GPR132: variants seen among roughly 807,000 people sequenced by gnomAD.
GPR132 encodes G protein-coupled receptor 132, also known as probable G protein-coupled receptor 132.
Under a neutral mutation model 1.9 loss-of-function variants are expected in GPR132, and 4 were observed. The observed-to-expected ratio is 2.13, with a 90% CI of 1.05 to 4.87. The LOEUF is 4.87. Ranked by LOEUF, GPR132 falls within the 30% of genes most tolerant of loss-of-function variation. The probability of loss-of-function intolerance (pLI) is 0.01; values close to 1 mark genes in which losing one functional copy is unlikely to be tolerated. For synonymous variants in GPR132, 233 were observed against 234.2 expected, an observed-to-expected ratio of 0.99 and a Z score of 0.05; for missense variants, 404 against 512.5, an observed-to-expected ratio of 0.79 and a Z score of 2.04.
In GPR132 at chr14:105,060,223, G is replaced by A. The variant is rs556194927; in HGVS notation, c.-860-2943C>T. Among the ~76,000 whole-genome samples the A allele has an allele frequency of 3.9e-5, 6 of 152,326 alleles. No individual in the cohort carries two copies. In the East Asian group the frequency reaches 7.7e-4, roughly 20 times the overall value. Reference sequence around the variant, plus strand: ...TGTGGCCCTGTCGTCTGGCTGCTGCGCCCAGCTCCAAGGCCCAGCAAGAGA... The same window carrying A: ...TGTGGCCCTGTCGTCTGGCTGCTGCACCCAGCTCCAAGGCCCAGCAAGAGA... On this transcript the variant is annotated intron_variant, in intron 1 of 3. Coordinates refer to ENST00000329797, the MANE Select transcript of GPR132 (RefSeq NM_013345.4). This position sits in a 1 kb window ranked among gnomAD's most constrained non-coding sequence, Gnocchi z 6.3.
intron 3 of GPR132, among the ~76,000 whole-genome samples, chr14:105,053,221 C>T (rs1233800652): frequency 7.3e-6 from 1 of 137,456 alleles, no homozygotes; most frequent in Non-Finnish European, 1.5e-5. Context: ...AGTGCAGTGG[C>T]ACGATCTCAG....
Position 105,050,045 on chromosome 14 carries a change from C to G in GPR132, c.*949G>C, listed in dbSNP as rs1305119364. 1 of 152,384 alleles carries G rather than the reference C, an allele frequency of 6.6e-6. No individual in the cohort carries two copies. The highest frequency in any genetic ancestry group is 2.1e-4 in the South Asian group (1 of 4,828). 9.4% of individuals were successfully genotyped at this position (152,384 alleles called of 1,614,324 possible). A position where few individuals can be genotyped will look rare whatever the true frequency, so the allele number is the denominator to read the frequency against. On this transcript the variant is annotated 3_prime_UTR_variant, in exon 4 of 4. Coordinates refer to ENST00000329797, the MANE Select transcript of GPR132 (RefSeq NM_013345.4). This position sits in a 1 kb window ranked among gnomAD's most constrained non-coding sequence, Gnocchi z 4.0. Reference sequence around the variant, plus strand: ...GATGGTGACCCAGTGAGGTAGGTGTCATTGGCCCCATTTTACAGATAGGGA... The same window carrying G: ...GATGGTGACCCAGTGAGGTAGGTGTGATTGGCCCCATTTTACAGATAGGGA...
Position 105,064,823 on chromosome 14 carries a change from G to T in GPR132, c.-861+556C>A, listed in dbSNP as rs1428205588. On this transcript the variant is annotated intron_variant, in intron 1 of 3. Transcript: ENST00000329797. Reference sequence around the variant, plus strand: ...CCCCCCGCCCCGCTGTGCCTGGTGCGCCGAACGCCACTCCAAAGGCCGGTG... The same window carrying T: ...CCCCCCGCCCCGCTGTGCCTGGTGCTCCGAACGCCACTCCAAAGGCCGGTG... 3.9e-5 allele frequency among the ~76,000 whole-genome samples: 6 copies of T among 152,214 alleles called. No individual in the cohort carries two copies. The East Asian group carries it at 1.2e-3, about 29-fold the overall frequency.
rs1214315234 is a variant in GPR132, at chr14:105,060,385, C to T, written c.-860-3105G>A. Among the ~76,000 whole-genome samples, 1 of 152,208 alleles carries T rather than the reference C, an allele frequency of 6.6e-6. No individual in the cohort carries two copies. The highest frequency in any genetic ancestry group is 6.5e-5 in the Admixed American group (1 of 15,290). On this transcript the variant is annotated intron_variant, in intron 1 of 3. Coordinates refer to ENST00000329797, the MANE Select transcript of GPR132 (RefSeq NM_013345.4). The surrounding 1 kb of genome is among the most constrained non-coding windows in gnomAD (Gnocchi z 6.3). ...GTGGGCTGGGGGCATGTCAGAGCCACCTGAGACCAGTCCTGTTCCTTCTGA... is the reference window on the plus strand; with the variant it reads ...GTGGGCTGGGGGCATGTCAGAGCCATCTGAGACCAGTCCTGTTCCTTCTGA...
Position 105,051,615 on chromosome 14 carries a change from G to A in GPR132, c.522C>T (p.His174=), listed in dbSNP as rs762822410. ...TGTCTTCCGTCTGGAACACCGGGTAGTGAACGATCCCGACGAGGATGAAGA... is the reference window on the plus strand; with the variant it reads ...TGTCTTCCGTCTGGAACACCGGGTAATGAACGATCCCGACGAGGATGAAGA... ...ACIFILVGIV[H]YPVFQTEDKE... Residue 174 remains histidine (H), a synonymous_variant, in exon 4 of 4, where the codon CAC becomes CAT. Coordinates refer to ENST00000329797, the MANE Select transcript of GPR132 (RefSeq NM_013345.4). The surrounding 1 kb of genome is among the most constrained non-coding windows in gnomAD (Gnocchi z 8.0). 1 of 1,614,034 alleles carries A rather than the reference G, an allele frequency of 6.2e-7. No individual in the cohort carries two copies. The highest frequency in any genetic ancestry group is 8.5e-7 in the Non-Finnish European group (1 of 1,180,042).
intron 3 of GPR132, chr14:105,053,994 C>T (rs1886718236): frequency 7.9e-7 from 1 of 1,265,584 alleles, no homozygotes; most frequent in Non-Finnish European, 1.0e-6. Flanking sequence ...TGCTAGAGGT[C>T]ACGCAGGGTG....
intron 3 of GPR132, chr14:105,054,152 C>G: frequency 1.6e-6 from 2 of 1,281,448 alleles, no homozygotes; most frequent in Non-Finnish European, 2.0e-6. Context: ...CGCAGACAGA[C>G]CTGGCCTCAG....
chr14:105,054,696 G>T (rs1002680728), intron 3 of GPR132, among the ~76,000 whole-genome samples: 1 of 150,574 alleles, frequency 6.6e-6, no homozygotes, highest in Non-Finnish European at 1.5e-5. Context: ...CTCCCAAAGT[G>T]CTGGGATTAC....
Position 105,056,144 on chromosome 14 carries a change from G to T in GPR132, c.-724C>A, listed in dbSNP as rs1188755524. 7 of 985,932 alleles carry T rather than the reference G, an allele frequency of 7.1e-6. No homozygotes were observed. Among genetic ancestry groups the T allele is most frequent in the African/African-American group, 3.5e-5 (2 of 57,230 alleles). 61.1% of individuals were successfully genotyped at this position (985,932 alleles called of 1,614,324 possible). ...TGCTGGGTTTCTCCGGGTGAGTGTCGTGTCCCTTGCTCACCTTCCTCCCTG... is the reference window on the plus strand; with the variant it reads ...TGCTGGGTTTCTCCGGGTGAGTGTCTTGTCCCTTGCTCACCTTCCTCCCTG... On this transcript the variant is annotated 5_prime_UTR_variant, in exon 3 of 4. Coordinates refer to ENST00000329797, the MANE Select transcript of GPR132 (RefSeq NM_013345.4). This position sits in a 1 kb window ranked among gnomAD's most constrained non-coding sequence, Gnocchi z 6.0.
intron 1 of GPR132, among the ~76,000 whole-genome samples, chr14:105,064,739 A>T (rs1215044640): frequency 1.3e-5 from 2 of 152,188 alleles, no homozygotes; most frequent in East Asian, 3.8e-4. Flanking sequence ...TTCAGTGGTC[A>T]GTCCCAGTCC....
chr14:105,052,695 A>G (rs111283102), intron 3 of GPR132, among the ~76,000 whole-genome samples: 3 of 150,702 alleles, frequency 2.0e-5, no homozygotes, highest in Non-Finnish European at 3.0e-5. Flanking sequence ...GGTGGCTCAC[A>G]CCTGTAATCC....
rs1272462724 is a variant in GPR132, at chr14:105,050,198, C to G, written c.*796G>C. ...AGCAGGCCAACTGCTGCACTCCCCC[C>G]TCAGTAAGGGGCTAGGGGTGGGGAC... is the stretch of plus-strand genomic sequence containing the variant. On this transcript the variant is annotated 3_prime_UTR_variant, in exon 4 of 4. Transcript: ENST00000329797. The surrounding 1 kb of genome is among the most constrained non-coding windows in gnomAD (Gnocchi z 4.0). 2 of 152,410 alleles carry G rather than the reference C, an allele frequency of 1.3e-5. No homozygotes were observed. The highest frequency in any genetic ancestry group is 6.5e-5 in the Admixed American group (1 of 15,290). 9.4% of individuals were successfully genotyped at this position (152,410 alleles called of 1,614,324 possible).
intron 1 of GPR132, among the ~76,000 whole-genome samples, chr14:105,064,360 A>G (rs1024345715): frequency 1.3e-5 from 2 of 149,094 alleles, no homozygotes; most frequent in Non-Finnish European, 3.0e-5. Flanking sequence ...ATTTTTCCCA[A>G]TTTGATAGTG....
In GPR132 at chr14:105,059,766, G is replaced by A. The variant is rs1367853302; in HGVS notation, c.-860-2486C>T. On this transcript the variant is annotated intron_variant, in intron 1 of 3. Coordinates refer to ENST00000329797, the MANE Select transcript of GPR132 (RefSeq NM_013345.4). This position sits in a 1 kb window ranked among gnomAD's most constrained non-coding sequence, Gnocchi z 4.2. ...GACTTCCTGAGGCTGTGTCACAGACGCGTGTCCTCAACTTTAGCAAATAAA... is the reference window on the plus strand; with the variant it reads ...GACTTCCTGAGGCTGTGTCACAGACACGTGTCCTCAACTTTAGCAAATAAA... 1.3e-5 allele frequency among the ~76,000 whole-genome samples: 2 copies of A among 152,190 alleles called. No individual in the cohort carries two copies. Among genetic ancestry groups the A allele is most frequent in the African/African-American group, 2.4e-5 (1 of 41,458 alleles).
Position 105,059,093 on chromosome 14 carries a change from A to G in GPR132, c.-860-1813T>C, listed in dbSNP as rs1886874415. 6.6e-6 allele frequency among the ~76,000 whole-genome samples: 1 copy of G among 152,202 alleles called. No individual in the cohort carries two copies. The highest frequency in any genetic ancestry group is 6.5e-5 in the Admixed American group (1 of 15,286). ...CTCTATCAGCCGAGACCCTCATGGG[A>G]AGCCAGCAGGTGCAGTCAGTCTCCC... On this transcript the variant is annotated intron_variant, in intron 1 of 3. Transcript: ENST00000329797. The surrounding 1 kb of genome is among the most constrained non-coding windows in gnomAD (Gnocchi z 4.2).
chr14:105,052,173 G>A, intron 3 of GPR132, 71 bp from the exon 4 acceptor site: 2 of 1,287,536 alleles, frequency 1.6e-6, no homozygotes, highest in Non-Finnish European at 2.1e-6. Flanking sequence ...ACTGTGGGAA[G>A]AAAGGATAGA....
At chr14:105,054,427 C>CTG (rs1886733225) in intron 3 of GPR132, 1 of 792,994 alleles carries the variant, frequency 1.3e-6, no homozygotes, top group Non-Finnish European at 1.5e-6. Context: ...CTTTTTTTTT[C>CTG]TTTTTTTTTT....
chr14:105,052,031 CGTT>C lies in GPR132; in HGVS notation c.103_105del (p.Asn35del). 6 of 1,608,670 alleles carry C rather than the reference CGTT, an allele frequency of 3.7e-6. No individual in the cohort carries two copies. The highest frequency in any genetic ancestry group is 5.1e-6 in the Non-Finnish European group (6 of 1,179,002). The stretch of plus-strand genomic sequence containing the variant: ...ACTATCCTGCTCTCTTCGAAGGACA[CGTT>C]GTTGCAGGTCTTGGCGGAGAGGCCC... On this transcript the variant is annotated inframe_deletion, in exon 4 of 4. Coordinates refer to ENST00000329797, the MANE Select transcript of GPR132 (RefSeq NM_013345.4).
chr14:105,053,850 G>T, intron 3 of GPR132: 1 of 862,164 alleles, frequency 1.2e-6, no homozygotes, highest in Non-Finnish European at 1.5e-6. Flanking sequence ...TGGACTATCT[G>T]GTGGGCCCAA....
Sources: allele counts gnomAD v4.1 joint callset (sites outside exome capture counted in the v4.1 genomes callset), GRCh38; gene constraint gnomAD v4.1.1; non-coding constraint Gnocchi (gnomAD v3.1); transcripts MANE v1.5; gene names NCBI Gene and HGNC (gene_info 2026-07-23, HGNC 2026-07-21).